TLL2: variants seen among roughly 807,000 people sequenced by gnomAD.
TLL2 encodes the protein tolloid-like protein 2.
TLL2 carries 106 observed loss-of-function variants against 123.0 expected under a neutral mutation model. That is an observed-to-expected ratio of 0.86 (90% CI 0.74 to 1.01). The LOEUF is 1.01. TLL2 is among the 50% of genes least tolerant of loss of function. The pLI is 0.00. For synonymous variants in TLL2, 494 were observed against 516.8 expected (o/e 0.96, Z 0.60); for missense variants, 1,332 against 1,336.7 (o/e 1.00, Z 0.06).
chr10:96,447,183 C>T (rs1233557746), intron 2 of TLL2, among the ~76,000 whole-genome samples: 9 of 152,182 alleles, frequency 5.9e-5, no homozygotes, highest in African/African-American at 9.7e-5. Context: ...GGAGCCTAGA[C>T]GGGGACTGGG....
chr10:96,422,050 AT>A (rs374363421), intron 6 of TLL2, among the ~76,000 whole-genome samples: 34 of 151,512 alleles, frequency 2.2e-4, no homozygotes, highest in Admixed American at 7.9e-4. Context: ...ATAAGAGAGT[AT>A]TTTTTTTTAA....
intron 3 of TLL2, among the ~76,000 whole-genome samples, chr10:96,437,766 G>C (rs961341629): frequency 6.6e-6 from 1 of 152,148 alleles, no homozygotes; most frequent in Non-Finnish European, 1.5e-5. Context: ...GTAGTCCATG[G>C]TATGGATGAA....
At chr10:96,509,372 GCAGA>G (rs1847605838) in intron 1 of TLL2, among the ~76,000 whole-genome samples, 1 of 152,218 alleles carries the variant, frequency 6.6e-6, no homozygotes, top group East Asian at 1.9e-4. Flanking sequence ...AGAGCAAGGA[GCAGA>G]CAGTGAAGGG....
intron 10 of TLL2, among the ~76,000 whole-genome samples, chr10:96,400,076 T>A (rs1007129521): frequency 1.4e-4 from 21 of 152,246 alleles, no homozygotes; most frequent in African/African-American, 5.1e-4. Context: ...TTAACTGATG[T>A]CTCAGTGTTC....
At chr10:96,437,691 C>T (rs1846810400) in intron 3 of TLL2, among the ~76,000 whole-genome samples, 1 of 152,140 alleles carries the variant, frequency 6.6e-6, no homozygotes. Flanking sequence ...TCTCACTCAG[C>T]ATAATTCCCT....
At chr10:96,407,975 GC>G (rs1476519083) in intron 9 of TLL2, among the ~76,000 whole-genome samples, 3 of 152,222 alleles carry the variant, frequency 2.0e-5, no homozygotes, top group Non-Finnish European at 4.4e-5. Context: ...CAACTTTGAA[GC>G]TTTGAAAAAG....
chr10:96,375,315 T>G (rs948523446), intron 18 of TLL2: 5 of 152,150 alleles, frequency 3.3e-5, no homozygotes, highest in African/African-American at 1.2e-4. Flanking sequence ...TCACATTCTA[T>G]GGTAGCGAAA....
intron 10 of TLL2, among the ~76,000 whole-genome samples, chr10:96,400,379 A>G (rs891315803): frequency 1.4e-5 from 2 of 141,038 alleles, no homozygotes; most frequent in Non-Finnish European, 3.1e-5. Context: ...AAAAAAAAAA[A>G]ACAAAACCTT....
At chr10:96,476,248 T>TTTTTTTTTTTTTTTTG (rs1285354320) in intron 2 of TLL2, among the ~76,000 whole-genome samples, 43 of 69,190 alleles carry the variant, frequency 6.2e-4, no homozygotes, top group Middle Eastern at 8.5e-3. Context: ...ATATTTTATT[T>TTTTTTTTTTTTTTTTG]TTGTTGTTGT....
chr10:96,469,373 C>CTT (rs1847157593), intron 2 of TLL2, among the ~76,000 whole-genome samples: 1 of 152,278 alleles, frequency 6.6e-6, no homozygotes, highest in Non-Finnish European at 1.5e-5. Context: ...ACCAGTCGCT[C>CTT]TTGCCTTGTT....
At chr10:96,444,799 A>C (rs1250655672) in intron 3 of TLL2, among the ~76,000 whole-genome samples, 1 of 152,248 alleles carries the variant, frequency 6.6e-6, no homozygotes, top group Non-Finnish European at 1.5e-5. Flanking sequence ...TATATGTAAA[A>C]ATGTAAAATA....
Position 96,366,479 on chromosome 10 carries a change from T to C in TLL2, c.*1609A>G, listed in dbSNP as rs778424347. On this transcript the variant is annotated 3_prime_UTR_variant, in exon 21 of 21. Coordinates refer to ENST00000357947, the MANE Select transcript of TLL2 (RefSeq NM_012465.4). ...CAGACATATATTATTAATAATACTT[T>C]AATTTTTTTCTGTTTTAAGGAAAAA... The C allele has an allele frequency of 3.9e-5, 6 of 152,690 alleles. No individual in the cohort carries two copies. The highest frequency in any genetic ancestry group is 6.5e-5 in the Admixed American group (1 of 15,286). 9.5% of individuals were successfully genotyped at this position (152,690 alleles called of 1,614,324 possible).
chr10:96,478,795 C>A (rs1355146218), intron 2 of TLL2, among the ~76,000 whole-genome samples: 1 of 151,964 alleles, frequency 6.6e-6, no homozygotes, highest in Non-Finnish European at 1.5e-5. Context: ...CTTTGGGACA[C>A]GTATTAACTG....
At position 96,421,018 on chromosome 10, in the gene TLL2, G is replaced by T; in HGVS notation, c.861C>A (p.Ser287Arg). The part of the protein sequence containing the change: ...NFLKMEAGEV[S>R]SLGETYDFDS... The stretch of plus-strand genomic sequence containing the variant: ...CAAAGTCGTATGTCTCTCCCAGAGA[G>T]CTCACTTCCCCAGCTTCCATTTTTA... Residue 287 changes from serine (S) to arginine (R), a missense_variant, in exon 7 of 21, where the codon AGC becomes AGA. Ser to Arg is a moderately radical substitution (Grantham distance 110). Coordinates refer to ENST00000357947, the MANE Select transcript of TLL2 (RefSeq NM_012465.4). 6.2e-7 allele frequency: 1 copy of T among 1,614,106 alleles called. No homozygotes were observed. Among genetic ancestry groups the T allele is most frequent in the Non-Finnish European group, 8.5e-7 (1 of 1,179,988 alleles).
At chr10:96,480,264 C>A (rs1057482426) in intron 2 of TLL2, 85 bp downstream of exon 2, 10 of 1,133,722 alleles carry the variant, frequency 8.8e-6, no homozygotes, top group Non-Finnish European at 1.3e-5. Context: ...AAGTCAAACA[C>A]CGATGACTCG....
intron 8 of TLL2, among the ~76,000 whole-genome samples, chr10:96,411,230 T>G (rs1349472568): frequency 2.5e-4 from 30 of 119,418 alleles, no homozygotes; most frequent in Non-Finnish European, 4.7e-4. Context: ...CAGTCTCCAG[T>G]CTGGGTGACA....
At chr10:96,442,206 C>A (rs1278601407) in intron 3 of TLL2, among the ~76,000 whole-genome samples, 1 of 152,126 alleles carries the variant, frequency 6.6e-6, no homozygotes, top group Admixed American at 6.5e-5. Flanking sequence ...GCTGGAGGCA[C>A]AAATCCCCAC....
chr10:96,451,684 CTATT>C (rs1206139066), intron 2 of TLL2, among the ~76,000 whole-genome samples: 2 of 152,200 alleles, frequency 1.3e-5, no homozygotes, highest in Non-Finnish European at 2.9e-5. Context: ...CATATGTTCT[CTATT>C]TAATCCCCAA....
At chr10:96,397,380 A>T (rs1438264894) in intron 10 of TLL2, 78 bp from the exon 11 acceptor site, 4 of 1,164,118 alleles carry the variant, frequency 3.4e-6, no homozygotes, top group Non-Finnish European at 4.9e-6. Context: ...GAGGAAGCTG[A>T]GGTTCTTCAC....
Sources: gnomAD v4.1 joint callset for allele counts (sites outside exome capture counted in the v4.1 genomes callset) on GRCh38, gnomAD v4.1.1 for gene constraint, MANE v1.5 for transcripts, NCBI Gene and HGNC (gene_info 2026-07-23, HGNC 2026-07-21) for gene names.